The following TRRAP variants were observed in gnomAD, a reference collection of about 807,000 sequenced individuals.
TRRAP encodes the protein transformation/transcription domain-associated protein.
In TRRAP, 41 loss-of-function variants were observed where a neutral mutation model predicts 438.8. The ratio of observed to expected loss-of-function variants is 0.09; its 90% CI spans 0.07 to 0.12. TRRAP has a LOEUF of 0.12. Ranked by LOEUF, TRRAP falls within the 10% of genes least tolerant of loss-of-function variation. TRRAP has a pLI of 1.00. For missense variants in TRRAP, 3,122 were observed against 5,055.1 expected, an observed-to-expected ratio of 0.62 and a Z score of 11.60; for synonymous variants, 1,994 against 1,962.9, an observed-to-expected ratio of 1.02 and a Z score of -0.42.
At chr7:99,004,517 G>A in intron 68 of TRRAP, 102 bp downstream of exon 68, 1 of 999,018 alleles carries the variant, frequency 1.0e-6, no homozygotes, top group Non-Finnish European at 1.5e-6. Flanking sequence ...TTTGGACACA[G>A]ATTCCCTGAC....
chr7:98,985,537 A>G (rs541011833), intron 62 of TRRAP, among the ~76,000 whole-genome samples: 3 of 152,372 alleles, frequency 2.0e-5, no homozygotes, highest in East Asian at 1.9e-4. Flanking sequence ...TATGGTCTGC[A>G]GAGCCTAAAC....
chr7:98,953,047 G>A (rs1554418534), intron 39 of TRRAP, 120 bp from the exon 40 acceptor site: 1 of 40,360 alleles, frequency 2.5e-5, no homozygotes, highest in African/African-American at 4.9e-5. Flanking sequence ...GTGTGTGTGT[G>A]TGTGTGTGTG....
intron 3 of TRRAP, among the ~76,000 whole-genome samples, chr7:98,882,561 C>T (rs1294914591): frequency 6.6e-6 from 1 of 152,050 alleles, no homozygotes; most frequent in Non-Finnish European, 1.5e-5. Context: ...CGGGGTTTCA[C>T]CATGTTGGTC....
Position 98,937,283 on chromosome 7 carries a change from T to A in TRRAP, c.4233+6T>A. On this transcript the variant is annotated splice_donor_region_variant and intron_variant, in intron 29 of 72. Transcript: ENST00000456197. ...GAGAAGCCTGTATGAGAAAGGTGAG[T>A]GTGTGTGCGTGCGTGTATGCGCACG... 6.2e-7 allele frequency: 1 copy of A among 1,609,672 alleles called. No individual in the cohort carries two copies. The highest frequency in any genetic ancestry group is 8.5e-7 in the Non-Finnish European group (1 of 1,178,116).
intron 3 of TRRAP, among the ~76,000 whole-genome samples, 156 bp downstream of exon 3, chr7:98,882,180 C>T (rs1420793231): frequency 1.3e-5 from 2 of 152,110 alleles, no homozygotes; most frequent in African/African-American, 4.8e-5. Context: ...AAACTTTGTA[C>T]ACAGCGTTTT....
At position 98,985,000 on chromosome 7, in the gene TRRAP, C is replaced by T. The variant is rs147079485; in HGVS notation, c.9345C>T (p.Ala3115=). The T allele has an allele frequency of 1.3e-5, 21 of 1,613,102 alleles. No individual in the cohort carries two copies. The Admixed American group carries it at 2.0e-4, about 15-fold the overall frequency. The stretch of plus-strand genomic sequence containing the variant: ...AATACTTCACAAAAGAGATGACAGC[C>T]GAATTTTATGCACTGAAGGGAATGT... ...NLKYFTKEMT[A]EFYALKGMFL... Residue 3115 remains alanine (A), a synonymous_variant, in exon 62 of 73, where the codon GCC becomes GCT. Transcript: ENST00000456197.
chr7:98,983,365 G>C lies in TRRAP; in HGVS notation c.8928G>C (p.Thr2976=), dbSNP rs758727385. Reference sequence around the variant, plus strand: ...ACAACAGCCTGCACGACATGAAGACGGTGGTGAAGACCTGGAGGAACCGAC... The same window carrying C: ...ACAACAGCCTGCACGACATGAAGACCGTGGTGAAGACCTGGAGGAACCGAC... ...GRNNSLHDMK[T]VVKTWRNRLP... The change falls in exon 60 of 73, where the codon ACG becomes ACC. Residue 2976 remains threonine, a synonymous_variant. Coordinates refer to ENST00000456197, the MANE Select transcript of TRRAP (RefSeq NM_001375524.1). 1 of 1,614,088 alleles carries C rather than the reference G, an allele frequency of 6.2e-7. No homozygotes were observed. Among genetic ancestry groups the C allele is most frequent in the African/African-American group, 1.3e-5 (1 of 74,912 alleles).
chr7:98,881,175 G>C lies in TRRAP; in HGVS notation c.25G>C (p.Ala9Pro). 6 of 1,609,832 alleles carry C rather than the reference G, an allele frequency of 3.7e-6. No individual in the cohort carries two copies. The highest frequency in any genetic ancestry group is 4.2e-6 in the Non-Finnish European group (5 of 1,177,890). ...AATGGCGTTTGTTGCAACACAGGGGGCCACGGTGGTTGACCAGACCACTTT... is the reference window on the plus strand; with the variant it reads ...AATGGCGTTTGTTGCAACACAGGGGCCCACGGTGGTTGACCAGACCACTTT... The part of the protein sequence containing the change: MAFVATQG[A>P]TVVDQTTLMK... Residue 9 changes from alanine to proline, a missense_variant, in exon 2 of 73, where the codon GCC (alanine) becomes CCC (proline). Physicochemically the swap from Ala to Pro is conservative, Grantham distance 27. Transcript: ENST00000456197.
rs571463585 is a variant in TRRAP at position 98,982,609 on chromosome 7, G to T, written c.8826+649G>T. On this transcript the variant is annotated intron_variant, in intron 59 of 72. Transcript: ENST00000456197. ...AGGATCGAGGGAAGGAAGATATCGT[G>T]TGCGCCATAGAAGCCAAGGACAGAA... Among the ~76,000 whole-genome samples, 10 of 152,346 alleles carry T rather than the reference G, an allele frequency of 6.6e-5. No individual in the cohort carries two copies. The East Asian group carries it at 1.9e-3, about 29-fold the overall frequency.
chr7:98,935,488 T>A (rs1790517765), intron 27 of TRRAP, 91 bp from the exon 28 acceptor site: 1 of 1,047,208 alleles, frequency 9.5e-7, no homozygotes, highest in East Asian at 2.5e-5. Flanking sequence ...TGTGTTGCAG[T>A]GTGTGGAAGA....
rs1409029044 is a variant in TRRAP at position 98,994,651 on chromosome 7, C to T, written c.10112C>T (p.Ala3371Val). ...CYSVAFEKSG[A>V]VSDAKITPHT... ...TCCGTGGCGTTTGAGAAAAGTGGAG[C>T]GGTGTCCGATGCTAAAATCACCCCC... Residue 3371 changes from alanine (A) to valine (V), a missense_variant, in exon 67 of 73, where the codon GCG (alanine) becomes GTG (valine). Physicochemically the swap from Ala to Val is moderately conservative, Grantham distance 64. Transcript: ENST00000456197. The surrounding 1 kb of genome is among the most constrained non-coding windows in gnomAD (Gnocchi z 4.8). The T allele has an allele frequency of 2.3e-5, 37 of 1,614,056 alleles. No homozygotes were observed. Among genetic ancestry groups the T allele is most frequent in the Non-Finnish European group, 2.9e-5 (34 of 1,180,040 alleles).
intron 20 of TRRAP, among the ~76,000 whole-genome samples, chr7:98,919,758 G>A (rs1384164583): frequency 3.9e-5 from 6 of 152,298 alleles, no homozygotes; most frequent in Admixed American, 2.6e-4. Flanking sequence ...TTGTGGGAGA[G>A]GAGGAGGAGG....
chr7:98,967,923 T>A lies in TRRAP; in HGVS notation c.7512+225T>A, dbSNP rs115691053. Among the ~76,000 whole-genome samples, 939 of 152,324 alleles carry A rather than the reference T, an allele frequency of 6.2e-3. 10 individuals are homozygous for A. Among genetic ancestry groups the A allele is most frequent in the African/African-American group, 0.021 (875 of 41,572 alleles). On this transcript the variant is annotated intron_variant, in intron 51 of 72. Transcript: ENST00000456197. ...GTGTCAGAAAGTTGAATAGTATATT[T>A]TTGTAGGTGAAGATTCATTTTTTCT...
In TRRAP at chr7:98,977,022, G is replaced by A; in HGVS notation, c.8331G>A (p.Lys2777=). ...MWAGLWQKRC[K]YSETATAIAY... ...CTGGTCTGTGGCAGAAGCGGTGCAA[G>A]TACTCGGAGACAGCGACTGCGATTG... The change falls in exon 56 of 73, where the codon AAG becomes AAA. Residue 2777 remains lysine, a synonymous_variant. Coordinates refer to ENST00000456197, the MANE Select transcript of TRRAP (RefSeq NM_001375524.1). 3 of 1,614,242 alleles carry A rather than the reference G, an allele frequency of 1.9e-6. No individual in the cohort carries two copies. Among genetic ancestry groups the A allele is most frequent in the East Asian group, 2.2e-5 (1 of 44,892 alleles).
At chr7:98,893,138 G>C (rs1796048444) in intron 5 of TRRAP, among the ~76,000 whole-genome samples, 1 of 152,110 alleles carries the variant, frequency 6.6e-6, no homozygotes, top group Non-Finnish European at 1.5e-5. Flanking sequence ...TTTTAGTAGA[G>C]ATGGGGTTTC....
At chr7:98,953,460 C>A in intron 40 of TRRAP, 27 bp downstream of exon 40, 1 of 1,599,502 alleles carries the variant, frequency 6.3e-7, no homozygotes. Context: ...TCCTGTCCGC[C>A]GACATCAGCG....
In TRRAP at chr7:98,950,148, A is replaced by G. The variant is rs1554417904; in HGVS notation, c.5220A>G (p.Lys1740=). Residue 1740 remains lysine, a synonymous_variant, in exon 38 of 73, where the codon AAA becomes AAG. Transcript: ENST00000456197. ...TTCTCTGCAACATGACATTCTTAAA[A>G]GAGTATATGGAGGAAGAGATTCCCA... ...GRFLCNMTFL[K]EYMEEEIPKN... 3.1e-6 allele frequency: 5 copies of G among 1,614,248 alleles called. No individual in the cohort carries two copies. The highest frequency in any genetic ancestry group is 4.2e-6 in the Non-Finnish European group (5 of 1,180,040).
In TRRAP at chr7:98,924,688, C is replaced by CAA. The variant is rs34211183; in HGVS notation, c.2824-407_2824-406dup. On this transcript the variant is annotated intron_variant, in intron 21 of 72. Coordinates refer to ENST00000456197, the MANE Select transcript of TRRAP (RefSeq NM_001375524.1). Reference sequence around the variant, plus strand: ...TGGGCGACAGAGCAAGACTCCGTCTCAAAAAAAAAAAAAAAAAAGGTTCTT... The same window carrying CAA: ...TGGGCGACAGAGCAAGACTCCGTCTCAAAAAAAAAAAAAAAAAAAAGGTTCTT... Among the ~76,000 whole-genome samples the CAA allele has an allele frequency of 2.9e-3, 274 of 95,100 alleles. 2 individuals carry two copies. Among genetic ancestry groups the CAA allele is most frequent in the East Asian group, 4.6e-3 (14 of 3,016 alleles). 62.4% of individuals were successfully genotyped at this position (95,100 alleles called of 152,430 possible).
intron 20 of TRRAP, among the ~76,000 whole-genome samples, 174 bp downstream of exon 20, chr7:98,917,853 G>T (rs1156893040): frequency 1.3e-5 from 2 of 152,072 alleles, no homozygotes; most frequent in Non-Finnish European, 1.5e-5. Context: ...CGGGCACGGT[G>T]TCTCCTGACT....
Sources: allele counts gnomAD v4.1 joint callset (sites outside exome capture counted in the v4.1 genomes callset), GRCh38; gene constraint gnomAD v4.1.1; non-coding constraint Gnocchi (gnomAD v3.1); transcripts MANE v1.5; gene names NCBI Gene and HGNC (gene_info 2026-07-23, HGNC 2026-07-21).